The following ZC3H11A variants were observed in gnomAD, a reference collection of about 807,000 sequenced individuals.
ZC3H11A encodes the protein zinc finger CCCH domain-containing protein 11A.
In ZC3H11A, 22 loss-of-function variants were observed where a neutral mutation model predicts 90.8. That is an observed-to-expected ratio of 0.24 (90% confidence interval 0.17 to 0.35). The LOEUF is 0.35. Ranked by LOEUF, ZC3H11A falls within the 10% of genes least tolerant of loss-of-function variation. The pLI, the probability that ZC3H11A is intolerant of heterozygous loss-of-function variation, is 1.00. For synonymous variants in ZC3H11A, 294 were observed against 339.8 expected (o/e 0.87, Z 1.48); for missense variants, 701 against 964.9 (o/e 0.73, Z 3.62).
intron 4 of ZC3H11A, among the ~76,000 whole-genome samples, chr1:203,822,294 GAC>G (rs745870478): frequency 2.9e-4 from 44 of 152,056 alleles, no homozygotes; most frequent in Non-Finnish European, 5.0e-4. Flanking sequence ...GCTCTGACAT[GAC>G]ACACACAGCT....
At chr1:203,799,844 T>TA in intron 1 of ZC3H11A, 1 of 1,527,202 alleles carries the variant, frequency 6.5e-7, no homozygotes, top group Non-Finnish European at 8.8e-7. Flanking sequence ...ATCCTTGCTT[T>TA]AAAAACAGTT....
chr1:203,836,142 G>T (rs1319019280), intron 10 of ZC3H11A, among the ~76,000 whole-genome samples: 1 of 152,122 alleles, frequency 6.6e-6, no homozygotes, highest in African/African-American at 2.4e-5. Flanking sequence ...CAGCTGCGTG[G>T]GCAGCTGAGG....
At chr1:203,811,722 C>G (rs748649741) in intron 2 of ZC3H11A, among the ~76,000 whole-genome samples, 7 of 152,080 alleles carry the variant, frequency 4.6e-5, no homozygotes, top group Non-Finnish European at 8.8e-5. Context: ...GTTGGCCAGG[C>G]TGGTCTTGAA....
intron 10 of ZC3H11A, among the ~76,000 whole-genome samples, chr1:203,834,713 A>G (rs570922511): frequency 3.3e-5 from 5 of 152,226 alleles, no homozygotes; most frequent in African/African-American, 1.2e-4. Flanking sequence ...GCACTGGCAC[A>G]ATCTCAGCTC....
chr1:203,831,625 T>C, intron 8 of ZC3H11A, 36 bp from the exon 9 acceptor site: 1 of 1,569,516 alleles, frequency 6.4e-7, no homozygotes, highest in East Asian at 2.2e-5. Context: ...TTATTTTCCA[T>C]AAATTATTTG....
intron 2 of ZC3H11A, among the ~76,000 whole-genome samples, chr1:203,806,734 A>C (rs1672475466): frequency 6.6e-6 from 1 of 151,324 alleles, no homozygotes; most frequent in Non-Finnish European, 1.5e-5. Flanking sequence ...ACCATATTGC[A>C]TATGCTGATG....
At position 203,840,286 on chromosome 1, in the gene ZC3H11A, G is replaced by C. The variant is rs187490448; in HGVS notation, c.974-20G>C. ...AGTTTCTGTTCAACTTTTGATTTTT[G>C]AAAATCTTTCTTTTCACAGCTCAAG... On this transcript the variant is annotated intron_variant, in intron 11 of 17. Transcript: ENST00000367210. 6.2e-7 allele frequency: 1 copy of C among 1,607,350 alleles called. No individual in the cohort carries two copies. Among genetic ancestry groups the C allele is most frequent in the Admixed American group, 1.7e-5 (1 of 59,290 alleles).
At chr1:203,815,206 C>CT (rs1484527302) in intron 2 of ZC3H11A, among the ~76,000 whole-genome samples, 14 of 43,710 alleles carry the variant, frequency 3.2e-4, no homozygotes, top group African/African-American at 1.1e-3. Flanking sequence ...TATTTTCTTC[C>CT]TTTTCTTTTC....
In ZC3H11A at chr1:203,799,164, G is replaced by T. The variant is rs1411945182; in HGVS notation, c.-1587-2411G>T. 3 of 1,425,374 alleles carry T rather than the reference G, an allele frequency of 2.1e-6. No homozygotes were observed. The South Asian group carries it at 3.7e-5, about 17-fold the overall frequency. The allele number at this position is 1,425,374 out of a possible 1,614,324, so 88.3% of individuals were successfully genotyped here. A position where few individuals can be genotyped will look rare whatever the true frequency, so the allele number is the denominator to read the frequency against. On this transcript the variant is annotated intron_variant, in intron 1 of 17. Coordinates refer to ENST00000367210, the MANE Select transcript of ZC3H11A (RefSeq NM_001376342.1). ...TTTACAAGAATTAAATGACCAGATT[G>T]GTCTGTGGCTTTCTCCAAATTTCCT...
In ZC3H11A at chr1:203,817,217, A is replaced by G. The variant is rs1305451527; in HGVS notation, c.54+93A>G. 1.6e-5 allele frequency: 17 copies of G among 1,073,148 alleles called. 1 individual carries two copies. Among genetic ancestry groups the G allele is most frequent in the African/African-American group, 1.0e-4 (6 of 60,166 alleles). The allele number at this position is 1,073,148 out of a possible 1,614,324, so 66.5% of individuals were successfully genotyped here. The stretch of plus-strand genomic sequence containing the variant: ...CAACATTTTAAGTTGTTTTTATTAT[A>G]TATATATTTTTTGCCCAACTTTATT... On this transcript the variant is annotated intron_variant, in intron 3 of 17. Transcript: ENST00000367210.
chr1:203,826,097 C>T (rs1215537880), intron 4 of ZC3H11A, among the ~76,000 whole-genome samples: 1 of 152,086 alleles, frequency 6.6e-6, no homozygotes, highest in Non-Finnish European at 1.5e-5. Context: ...TAGGTTCTGC[C>T]TTGAGAAAGG....
Position 203,847,498 on chromosome 1 carries a change from A to G in ZC3H11A, c.1357A>G (p.Arg453Gly). The stretch of plus-strand genomic sequence containing the variant: ...AGTTTTGCCACCCATTGTTGCCAGC[A>G]GAGGACAATCAGAGGAGCCTGCAGG... Reference protein sequence around the residue: ...TVVLPPIVASRGQSEEPAGKT... With the variant: ...TVVLPPIVASGGQSEEPAGKT... The change falls in exon 13 of 18, where the codon AGA becomes GGA. Residue 453 changes from arginine (R) to glycine (G), a missense_variant. By Grantham distance (125) the Arg-to-Gly change is moderately radical. Coordinates refer to ENST00000367210, the MANE Select transcript of ZC3H11A (RefSeq NM_001376342.1). 6.2e-7 allele frequency: 1 copy of G among 1,614,014 alleles called. No homozygotes were observed. Among genetic ancestry groups the G allele is most frequent in the Non-Finnish European group, 8.5e-7 (1 of 1,179,870 alleles).
intron 12 of ZC3H11A, among the ~76,000 whole-genome samples, chr1:203,842,049 G>A (rs556633207): frequency 8.6e-5 from 13 of 150,582 alleles, no homozygotes; most frequent in Admixed American, 4.6e-4. Flanking sequence ...ATGGGCGGCC[G>A]GGCAGAGACA....
intron 8 of ZC3H11A, among the ~76,000 whole-genome samples, chr1:203,831,156 C>T (rs983858520): frequency 1.3e-5 from 2 of 151,764 alleles, no homozygotes; most frequent in Non-Finnish European, 2.9e-5. Flanking sequence ...GTTGGTTGGG[C>T]TGGTCTCGAA....
chr1:203,814,829 T>A (rs12060105), intron 2 of ZC3H11A: 16,754 of 152,224 alleles, frequency 0.11, 1,167 homozygotes, highest in Non-Finnish European at 0.15. Flanking sequence ...GTAATTTTTT[T>A]AAATCATTTG....
At chr1:203,824,436 C>A (rs1319406968) in intron 4 of ZC3H11A, among the ~76,000 whole-genome samples, 1 of 152,076 alleles carries the variant, frequency 6.6e-6, no homozygotes, top group Non-Finnish European at 1.5e-5. Flanking sequence ...CTTCTGTGTG[C>A]AATTCATTTT....
chr1:203,810,579 C>A (rs975143025), intron 2 of ZC3H11A, among the ~76,000 whole-genome samples: 2 of 151,866 alleles, frequency 1.3e-5, no homozygotes, highest in African/African-American at 4.8e-5. Context: ...ACCACCACGC[C>A]CAGCTAATTT....
chr1:203,796,502 GATTCCT>G (rs1668548498), intron 1 of ZC3H11A: 1 of 399,078 alleles, frequency 2.5e-6, no homozygotes, highest in South Asian at 1.3e-4. Flanking sequence ...AATCGGTGCG[GATTCCT>G]ATGGGGAAGG....
chr1:203,799,504 A>G, intron 1 of ZC3H11A: 1 of 703,062 alleles, frequency 1.4e-6, no homozygotes, highest in Non-Finnish European at 2.6e-6. Context: ...CTCTTGGAGC[A>G]TTGCTACTCA....
Sources: gnomAD v4.1 joint callset for allele counts (sites outside exome capture counted in the v4.1 genomes callset) on GRCh38, gnomAD v4.1.1 for gene constraint, MANE v1.5 for transcripts, NCBI Gene and HGNC (gene_info 2026-07-23, HGNC 2026-07-21) for gene names.